The following PTPRA variants were observed in gnomAD, a reference collection of about 807,000 sequenced individuals.
PTPRA encodes protein tyrosine phosphatase receptor type A.
A neutral mutation model predicts 104.8 loss-of-function variants in PTPRA; 25 were observed. That is an observed-to-expected ratio of 0.24 (90% CI 0.17 to 0.33). PTPRA has a LOEUF of 0.33. Among genes scored for constraint, PTPRA ranks in the 10% least tolerant of loss-of-function variants. The pLI, the probability that PTPRA is intolerant of heterozygous loss-of-function variation, is 1.00. For missense variants in PTPRA, 765 were observed against 1,015.3 expected (o/e 0.75, Z 3.35); for synonymous variants, 323 against 368.9 (o/e 0.88, Z 1.43).
chr20:2,904,478 G>A (rs2059346550), intron 1 of PTPRA, among the ~76,000 whole-genome samples: 1 of 151,878 alleles, frequency 6.6e-6, no homozygotes, highest in Non-Finnish European at 1.5e-5. Flanking sequence ...AGACCATCCT[G>A]GCCAACATGG....
At chr20:2,988,638 G>A (rs554017809) in intron 9 of PTPRA, among the ~76,000 whole-genome samples, 164 bp downstream of exon 9, 104 of 152,320 alleles carry the variant, frequency 6.8e-4, no homozygotes, top group South Asian at 2.3e-3. Flanking sequence ...TCATGGATAG[G>A]AAATGAAGTG....
intron 20 of PTPRA, 111 bp downstream of exon 20, chr20:3,027,952 A>G (rs899413159): frequency 1.4e-6 from 2 of 1,439,586 alleles, no homozygotes; most frequent in African/African-American, 2.8e-5. Flanking sequence ...TCTTTGACTT[A>G]TACGGTCCAA....
chr20:2,932,253 A>G (rs981599692), intron 2 of PTPRA, among the ~76,000 whole-genome samples: 2 of 152,212 alleles, frequency 1.3e-5, no homozygotes, highest in East Asian at 3.8e-4. Flanking sequence ...AGAACGAAGG[A>G]TTTAAGAACA....
chr20:2,927,799 C>T (rs2060358212), intron 2 of PTPRA, among the ~76,000 whole-genome samples: 1 of 152,098 alleles, frequency 6.6e-6, no homozygotes, highest in South Asian at 2.1e-4. Flanking sequence ...CACTTGAGGC[C>T]AGGAGTTCAA....
At chr20:3,001,873 C>A (rs1189746967) in intron 9 of PTPRA, among the ~76,000 whole-genome samples, 1 of 152,164 alleles carries the variant, frequency 6.6e-6, no homozygotes, top group Non-Finnish European at 1.5e-5. Context: ...ACTTTAATTT[C>A]TCCTATCACT....
At chr20:2,913,162 G>C (rs2059784739) in intron 1 of PTPRA, among the ~76,000 whole-genome samples, 1 of 152,070 alleles carries the variant, frequency 6.6e-6, no homozygotes, top group Non-Finnish European at 1.5e-5. Context: ...GATCATTTGA[G>C]GTCAGGAGTT....
At chr20:3,009,157 A>G (rs1259241587) in intron 11 of PTPRA, among the ~76,000 whole-genome samples, 2 of 152,168 alleles carry the variant, frequency 1.3e-5, no homozygotes, top group African/African-American at 4.8e-5. Flanking sequence ...GGACTGTGAC[A>G]TGAGAGCTTC....
intron 2 of PTPRA, among the ~76,000 whole-genome samples, chr20:2,934,168 A>G (rs1053048290): frequency 1.3e-5 from 2 of 152,126 alleles, no homozygotes; most frequent in African/African-American, 4.8e-5. Context: ...CAGTGGCACA[A>G]TCATGGCTCA....
chr20:2,948,183 A>G (rs1446439971), intron 3 of PTPRA, among the ~76,000 whole-genome samples, 159 bp downstream of exon 3: 1 of 152,204 alleles, frequency 6.6e-6, no homozygotes, highest in East Asian at 1.9e-4. Context: ...ATACATGTCA[A>G]GGGAATGGTA....
intron 2 of PTPRA, among the ~76,000 whole-genome samples, chr20:2,930,013 G>A (rs183679223): frequency 6.6e-6 from 1 of 152,134 alleles, no homozygotes; most frequent in East Asian, 1.9e-4. Flanking sequence ...AAGGAGAGAG[G>A]TCTCATAGGA....
At chr20:3,015,699 C>T in intron 11 of PTPRA, 150 bp from the exon 12 acceptor site, 1 of 635,340 alleles carries the variant, frequency 1.6e-6, no homozygotes, top group East Asian at 2.8e-5. Flanking sequence ...AGCTCTAAAG[C>T]TAATCCCTTG....
chr20:2,969,466 C>G (rs1236768303), intron 5 of PTPRA, among the ~76,000 whole-genome samples: 1 of 151,582 alleles, frequency 6.6e-6, no homozygotes, highest in Non-Finnish European at 1.5e-5. Flanking sequence ...ATGCTGGTCT[C>G]GAACTCCTGA....
At chr20:2,963,691 G>A (rs1431785159) in intron 3 of PTPRA, among the ~76,000 whole-genome samples, 1 of 152,020 alleles carries the variant, frequency 6.6e-6, no homozygotes, top group Non-Finnish European at 1.5e-5. Flanking sequence ...GAAACTTTTT[G>A]AGCGCAGACA....
chr20:2,864,438 C>T, the PTPRA span: 1 of 1,614,172 alleles, frequency 6.2e-7, no homozygotes, highest in Non-Finnish European at 8.5e-7. The surrounding 1 kb of genome is among the most constrained non-coding windows in gnomAD (Gnocchi z 5.2). Context: ...GGAATCAGCC[C>T]ATGGCCCTCA....
intron 6 of PTPRA, among the ~76,000 whole-genome samples, chr20:2,982,275 G>T (rs1045683499): frequency 6.6e-6 from 1 of 151,956 alleles, no homozygotes; most frequent in African/African-American, 2.4e-5. Context: ...TTTTAGCAGA[G>T]ACGGGGTTTC....
chr20:3,031,121 C>A (rs780656374), intron 20 of PTPRA, among the ~76,000 whole-genome samples: 21 of 152,272 alleles, frequency 1.4e-4, no homozygotes, highest in Admixed American at 7.2e-4. Context: ...CCTAGCCCAA[C>A]CCTAGGCCTC....
Position 2,926,793 on chromosome 20 carries a change from T to TTC in PTPRA, c.-50+3508_-50+3509insTC, listed in dbSNP as rs1197405960. On this transcript the variant is annotated intron_variant, in intron 2 of 23. Transcript: ENST00000399903. ...CCTTTTTTTTTTTTTTTTTTTTTTT[T>TTC]ACTTTTTATTTTTTTGAGACAGAGT... Among the ~76,000 whole-genome samples the TTC allele has an allele frequency of 4.5e-5, 6 of 133,568 alleles. No homozygotes were observed. The South Asian group carries it at 7.0e-4, about 16-fold the overall frequency. 87.6% of individuals were successfully genotyped at this position (133,568 alleles called of 152,430 possible).
At chr20:2,953,006 G>A (rs2061403285) in intron 3 of PTPRA, among the ~76,000 whole-genome samples, 1 of 152,134 alleles carries the variant, frequency 6.6e-6, no homozygotes, top group East Asian at 1.9e-4. Flanking sequence ...TAATGCTGCT[G>A]TGAATGTTGT....
At chr20:2,952,642 A>G (rs894557372) in intron 3 of PTPRA, among the ~76,000 whole-genome samples, 4 of 152,188 alleles carry the variant, frequency 2.6e-5, no homozygotes, top group Non-Finnish European at 4.4e-5. Flanking sequence ...TTGTTGTGCA[A>G]CCATCACCGC....
Sources: allele counts gnomAD v4.1 joint callset (sites outside exome capture counted in the v4.1 genomes callset), GRCh38; gene constraint gnomAD v4.1.1; non-coding constraint Gnocchi (gnomAD v3.1); transcripts MANE v1.5; gene names NCBI Gene and HGNC (gene_info 2026-07-23, HGNC 2026-07-21).